STAB2: variants seen among roughly 807,000 people sequenced by gnomAD.
The protein encoded by STAB2 is stabilin-2.
A neutral mutation model predicts 338.1 loss-of-function variants in STAB2; 288 were observed. The observed-to-expected ratio is 0.85, with a 90% CI of 0.77 to 0.94. STAB2 has a LOEUF of 0.94. Ranked by LOEUF, STAB2 falls within the 40% of genes least tolerant of loss-of-function variation. STAB2 has a pLI of 0.00. For synonymous variants in STAB2, 1,202 were observed against 1,193.3 expected, an observed-to-expected ratio of 1.01 and a Z score of -0.15; for missense variants, 3,141 against 3,210.1, an observed-to-expected ratio of 0.98 and a Z score of 0.52.
At chr12:103,605,661 C>T (rs953337745) in intron 3 of STAB2, among the ~76,000 whole-genome samples, 4 of 151,914 alleles carry the variant, frequency 2.6e-5, no homozygotes, top group East Asian at 3.9e-4. Flanking sequence ...TAGGTCAATA[C>T]ATATTTATGA....
intron 31 of STAB2, among the ~76,000 whole-genome samples, chr12:103,694,486 C>T (rs547222073): frequency 1.3e-5 from 2 of 152,298 alleles, no homozygotes; most frequent in East Asian, 3.9e-4. Flanking sequence ...TTGCAGGTCA[C>T]ATGGTCTCCA....
intron 3 of STAB2, among the ~76,000 whole-genome samples, chr12:103,611,841 T>A (rs1230465399): frequency 6.6e-6 from 1 of 152,226 alleles, no homozygotes; most frequent in Admixed American, 6.5e-5. Flanking sequence ...TTCCTTTCCA[T>A]GTTTAGTGCT....
At chr12:103,754,592 G>A (rs1317588790) in intron 61 of STAB2, among the ~76,000 whole-genome samples, 3 of 152,126 alleles carry the variant, frequency 2.0e-5, no homozygotes, top group African/African-American at 4.8e-5. Flanking sequence ...TGGTGGTGGT[G>A]ATGATGGGGA....
chr12:103,726,116 G>A lies in STAB2; in HGVS notation c.4804G>A (p.Glu1602Lys). The A allele has an allele frequency of 6.2e-7, 1 of 1,613,872 alleles. No homozygotes were observed. Among genetic ancestry groups the A allele is most frequent in the Non-Finnish European group, 8.5e-7 (1 of 1,179,848 alleles). ...AAGTGAAACTACTCTTTGTTTGCAG[G>A]AGCTTCCCAAGAACCCGAAAACTTC... is the stretch of plus-strand genomic sequence containing the variant. ...GFTCRGSIYQ[E>K]LPKNPKTSQY... Residue 1602 changes from glutamate (E) to lysine (K), a missense_variant and splice_region_variant, in exon 46 of 69, where the codon GAG (glutamate) becomes AAG (lysine). By Grantham distance (56) the Glu-to-Lys change is moderately conservative. Coordinates refer to ENST00000388887, the MANE Select transcript of STAB2 (RefSeq NM_017564.10).
At chr12:103,700,277 A>G (rs1000804504) in intron 34 of STAB2, among the ~76,000 whole-genome samples, 6 of 152,242 alleles carry the variant, frequency 3.9e-5, no homozygotes, top group Non-Finnish European at 2.9e-5. Flanking sequence ...TTATCACAAG[A>G]AAAATTAAAA....
intron 9 of STAB2, among the ~76,000 whole-genome samples, chr12:103,642,243 C>A (rs1207331549): frequency 1.3e-5 from 2 of 152,194 alleles, no homozygotes; most frequent in East Asian, 3.8e-4. Flanking sequence ...TTATGCTTTG[C>A]CTTTTTACTT....
intron 3 of STAB2, among the ~76,000 whole-genome samples, chr12:103,611,757 A>C (rs1957126610): frequency 6.6e-6 from 1 of 152,130 alleles, no homozygotes; most frequent in South Asian, 2.1e-4. Context: ...TTTGCTCGTT[A>C]GTTGATGCAG....
At chr12:103,746,575 A>G in intron 57 of STAB2, 22 bp from the exon 58 acceptor site, 2 of 1,611,674 alleles carry the variant, frequency 1.2e-6, no homozygotes, top group Non-Finnish European at 1.7e-6. Flanking sequence ...GTACAGAATG[A>G]AAGTGGCCCC....
At chr12:103,665,845 C>G (rs1875041041) in intron 18 of STAB2, among the ~76,000 whole-genome samples, 1 of 152,142 alleles carries the variant, frequency 6.6e-6, no homozygotes, top group Admixed American at 6.5e-5. Context: ...GACTGAAAGG[C>G]AGAGATTCAG....
intron 19 of STAB2, among the ~76,000 whole-genome samples, chr12:103,667,753 C>A (rs1000475190): frequency 1.1e-4 from 16 of 152,200 alleles, no homozygotes; most frequent in Admixed American, 1.3e-4. Context: ...TTGCCCTCTT[C>A]TTGAGCAACA....
intron 11 of STAB2, among the ~76,000 whole-genome samples, chr12:103,652,030 A>G (rs1873781763): frequency 6.6e-6 from 1 of 152,258 alleles, no homozygotes. Context: ...CACATAGTTT[A>G]CACAGAGTTA....
At chr12:103,747,544 T>C (rs1883164202) in intron 58 of STAB2, among the ~76,000 whole-genome samples, 2 of 141,802 alleles carry the variant, frequency 1.4e-5, no homozygotes, top group Non-Finnish European at 3.1e-5. Context: ...CCTCCTTCCC[T>C]TTAAGAATGC....
chr12:103,717,936 C>A, intron 44 of STAB2, 95 bp downstream of exon 44: 2 of 1,199,574 alleles, frequency 1.7e-6, no homozygotes, highest in Non-Finnish European at 2.5e-6. Flanking sequence ...GGAACTCTTC[C>A]TCTGGAGGCC....
intron 19 of STAB2, among the ~76,000 whole-genome samples, chr12:103,667,468 T>C (rs959056539): frequency 6.6e-6 from 1 of 152,214 alleles, no homozygotes; most frequent in Non-Finnish European, 1.5e-5. Flanking sequence ...ACACAGCTGA[T>C]GTGGCAGAAC....
rs900240349 is a variant in STAB2, at chr12:103,650,140, C to T, written c.1175-356C>T. ...AGCTGGCCCTGGATAAAAACAAGGG[C>T]TGCCTCTTTGCTCACCGAGACAGTG... On this transcript the variant is annotated intron_variant, in intron 10 of 68. Transcript: ENST00000388887. Among the ~76,000 whole-genome samples the T allele has an allele frequency of 7.2e-5, 11 of 152,086 alleles. No individual in the cohort carries two copies. In the East Asian group the frequency reaches 2.1e-3, roughly 29 times the overall value.
Position 103,758,250 on chromosome 12 carries a change from C to G in STAB2, c.7068C>G (p.Thr2356=), listed in dbSNP as rs761976353. 1.9e-6 allele frequency: 3 copies of G among 1,614,054 alleles called. No individual in the cohort carries two copies. Among genetic ancestry groups the G allele is most frequent in the East Asian group, 2.2e-5 (1 of 44,878 alleles). ...TGACTGACCTGTCCATCCGCGGCAC[C>G]CTCTTTGTGCCACAGAACAGTGGGC... ...EHLTDLSIRG[T]LFVPQNSGLG... Residue 2356 remains threonine, a synonymous_variant, in exon 64 of 69, where the codon ACC becomes ACG. Transcript: ENST00000388887.
rs148558360 is a variant in STAB2, at chr12:103,658,437, G to C, written c.1735-1894G>C. Among the ~76,000 whole-genome samples, 1,075 of 152,240 alleles carry C rather than the reference G, an allele frequency of 7.1e-3. 10 individuals are homozygous for C. The highest frequency in any genetic ancestry group is 0.025 in the African/African-American group (1,025 of 41,532). ...ATAAGACACAGGCACACACAGTAAC[G>C]GGAGTGATGCGGATCAATTTCTTTG... is the stretch of plus-strand genomic sequence containing the variant. On this transcript the variant is annotated intron_variant, in intron 15 of 68. Coordinates refer to ENST00000388887, the MANE Select transcript of STAB2 (RefSeq NM_017564.10).
intron 44 of STAB2, among the ~76,000 whole-genome samples, chr12:103,722,331 A>G (rs189058306): frequency 6.6e-6 from 1 of 152,330 alleles, no homozygotes; most frequent in African/African-American, 2.4e-5. Flanking sequence ...AAGAGGAGTG[A>G]TTGTACAGGC....
At chr12:103,710,341 AG>A (rs1879736198) in intron 39 of STAB2, among the ~76,000 whole-genome samples, 1 of 151,716 alleles carries the variant, frequency 6.6e-6, no homozygotes, top group African/African-American at 2.4e-5. Flanking sequence ...AGTCTAGAAA[AG>A]GAAATAAATG....
Sources: gnomAD v4.1 joint callset for allele counts (sites outside exome capture counted in the v4.1 genomes callset) on GRCh38, gnomAD v4.1.1 for gene constraint, MANE v1.5 for transcripts, NCBI Gene and HGNC (gene_info 2026-07-23, HGNC 2026-07-21) for gene names.